The following ME3 variants were observed in gnomAD, a reference collection of about 807,000 sequenced individuals.
The protein encoded by ME3 is malic enzyme 3.
Under a neutral mutation model 68.9 loss-of-function variants are expected in ME3, and 48 were observed. The ratio of observed to expected loss-of-function variants is 0.70; its 90% CI spans 0.55 to 0.89. The LOEUF is 0.89. Among genes scored for constraint, ME3 ranks in the 40% least tolerant of loss-of-function variants. The probability of loss-of-function intolerance (pLI) is 0.00; values close to 1 mark genes in which losing one functional copy is unlikely to be tolerated. For missense variants in ME3, 675 were observed against 797.4 expected (o/e 0.85, Z 1.85); for synonymous variants, 320 against 318.8 (o/e 1.00, Z -0.04).
intron 2 of ME3, among the ~76,000 whole-genome samples, chr11:86,670,666 C>A (rs774555414): frequency 1.3e-5 from 2 of 152,054 alleles, no homozygotes; most frequent in Non-Finnish European, 1.5e-5. Context: ...AGTCACAATA[C>A]TTCACATTAT....
intron 2 of ME3, among the ~76,000 whole-genome samples, chr11:86,612,640 G>T (rs942603844): frequency 1.3e-5 from 2 of 152,104 alleles, no homozygotes; most frequent in Non-Finnish European, 2.9e-5. Flanking sequence ...TTGTGGTTTT[G>T]ATTTACATTT....
At chr11:86,560,151 A>C (rs1957136436) in intron 2 of ME3, among the ~76,000 whole-genome samples, 1 of 152,180 alleles carries the variant, frequency 6.6e-6, no homozygotes, top group African/African-American at 2.4e-5. Context: ...CTCATCTTGA[A>C]TTGTAATCCA....
chr11:86,494,671 G>A (rs1360680508), intron 6 of ME3, among the ~76,000 whole-genome samples: 1 of 148,020 alleles, frequency 6.8e-6, no homozygotes, highest in African/African-American at 2.7e-5. Context: ...AGCACCAGAA[G>A]GAGAAGCAGA....
chr11:86,620,053 TAA>T (rs1469401134), intron 2 of ME3, among the ~76,000 whole-genome samples: 1 of 151,890 alleles, frequency 6.6e-6, no homozygotes, highest in East Asian at 1.9e-4. Context: ...AAATAAATAA[TAA>T]AAAGTTACAT....
intron 2 of ME3, among the ~76,000 whole-genome samples, chr11:86,613,133 C>CA (rs971009588): frequency 9.2e-5 from 14 of 152,254 alleles, no homozygotes; most frequent in African/African-American, 3.4e-4. Flanking sequence ...TATGGCTAGC[C>CA]AGTTTTCCCA....
At chr11:86,571,691 GA>G (rs1957804037) in intron 2 of ME3, among the ~76,000 whole-genome samples, 1 of 152,272 alleles carries the variant, frequency 6.6e-6, no homozygotes, top group African/African-American at 2.4e-5. Context: ...TGCAGACTCA[GA>G]ACCCTGACTT....
At chr11:86,655,025 G>A (rs1342790387) in intron 2 of ME3, among the ~76,000 whole-genome samples, 1 of 152,082 alleles carries the variant, frequency 6.6e-6, no homozygotes, top group Non-Finnish European at 1.5e-5. Context: ...AAATACCTAG[G>A]AATCCAACTT....
intron 7 of ME3, among the ~76,000 whole-genome samples, chr11:86,470,372 G>T (rs1302058846): frequency 6.6e-6 from 1 of 152,074 alleles, no homozygotes; most frequent in African/African-American, 2.4e-5. Context: ...TCACCCAATG[G>T]AAAACTATTT....
intron 2 of ME3, among the ~76,000 whole-genome samples, chr11:86,616,631 A>C (rs1252502311): frequency 6.6e-6 from 1 of 152,236 alleles, no homozygotes; most frequent in Non-Finnish European, 1.5e-5. Flanking sequence ...TGAAAAACTC[A>C]TAACTTCAGT....
chr11:86,492,124 T>C (rs1307573092), intron 6 of ME3, among the ~76,000 whole-genome samples: 1 of 152,246 alleles, frequency 6.6e-6, no homozygotes, highest in African/African-American at 2.4e-5. Flanking sequence ...GTCACTTGAC[T>C]AGCTCTGTGG....
intron 2 of ME3, among the ~76,000 whole-genome samples, chr11:86,626,594 T>A (rs1479083384): frequency 6.6e-6 from 1 of 152,240 alleles, no homozygotes; most frequent in Non-Finnish European, 1.5e-5. Flanking sequence ...TTCCTAGAGT[T>A]GCTACCCCTG....
intron 13 of ME3, among the ~76,000 whole-genome samples, chr11:86,445,117 C>G (rs1407662032): frequency 1.3e-5 from 2 of 152,176 alleles, no homozygotes; most frequent in Admixed American, 1.3e-4. Context: ...CAGAAAGTGA[C>G]TCTTTCCATC....
At chr11:86,538,866 C>T (rs1955860933) in intron 4 of ME3, among the ~76,000 whole-genome samples, 1 of 152,204 alleles carries the variant, frequency 6.6e-6, no homozygotes, top group South Asian at 2.1e-4. Flanking sequence ...AGCCATTACC[C>T]AGGAAATGTC....
chr11:86,661,335 A>C (rs986382039), intron 2 of ME3, among the ~76,000 whole-genome samples: 1 of 152,256 alleles, frequency 6.6e-6, no homozygotes, highest in African/African-American at 2.4e-5. Context: ...AAGCATGCCA[A>C]AGTTTTTAAG....
At chr11:86,595,847 T>C (rs571583432) in intron 2 of ME3, among the ~76,000 whole-genome samples, 3 of 152,244 alleles carry the variant, frequency 2.0e-5, no homozygotes, top group Non-Finnish European at 2.9e-5. Flanking sequence ...TATGCTGTTA[T>C]GGGGAAAGAA....
At chr11:86,543,370 A>G (rs1956162517) in intron 4 of ME3, among the ~76,000 whole-genome samples, 1 of 152,228 alleles carries the variant, frequency 6.6e-6, no homozygotes, top group South Asian at 2.1e-4. Flanking sequence ...AAATTGGATA[A>G]AGAGTCAAGA....
At chr11:86,442,005 T>C (rs561928426) in intron 14 of ME3, among the ~76,000 whole-genome samples, 4 of 152,326 alleles carry the variant, frequency 2.6e-5, no homozygotes, top group African/African-American at 9.6e-5. Flanking sequence ...CTGGATTCTG[T>C]ACCAGACAAC....
intron 4 of ME3, among the ~76,000 whole-genome samples, chr11:86,537,604 A>G (rs1955765907): frequency 1.3e-5 from 2 of 152,218 alleles, no homozygotes; most frequent in South Asian, 2.1e-4. Flanking sequence ...GCAAAGCTGC[A>G]GAAATGCAGA....
At chr11:86,522,076 C>T (rs1954356013) in intron 4 of ME3, among the ~76,000 whole-genome samples, 1 of 152,116 alleles carries the variant, frequency 6.6e-6, no homozygotes, top group Admixed American at 6.5e-5. Context: ...ATGGCAAAAC[C>T]CCATCTCTAC....
Sources: gnomAD v4.1 joint callset for allele counts (sites outside exome capture counted in the v4.1 genomes callset) on GRCh38, gnomAD v4.1.1 for gene constraint, MANE v1.5 for transcripts, NCBI Gene and HGNC (gene_info 2026-07-23, HGNC 2026-07-21) for gene names.